Variants in CTNNA2 observed in about 807,000 individuals in gnomAD.
CTNNA2 encodes catenin alpha-2.
CTNNA2 carries 42 observed loss-of-function variants against 101.0 expected under a neutral mutation model. The observed-to-expected ratio is 0.42, with a 90% CI of 0.32 to 0.54. The LOEUF (loss-of-function observed/expected upper bound fraction) is 0.54, where lower values mean the gene tolerates loss of function less well. Ranked by LOEUF, CTNNA2 falls within the 20% of genes least tolerant of loss-of-function variation. CTNNA2 has a pLI of 0.14. For missense variants in CTNNA2, 871 were observed against 1,223.1 expected, an observed-to-expected ratio of 0.71 and a Z score of 4.29; for synonymous variants, 450 against 456.4, an observed-to-expected ratio of 0.99 and a Z score of 0.18.
chr2:80,434,780 C>T (rs565736755), intron 9 of CTNNA2, among the ~76,000 whole-genome samples: 1 of 152,068 alleles, frequency 6.6e-6, no homozygotes, highest in Non-Finnish European at 1.5e-5. Flanking sequence ...GATCACTAGG[C>T]AGAGAATTGG....
intron 2 of CTNNA2, among the ~76,000 whole-genome samples, chr2:79,265,929 T>C (rs1674981245): frequency 6.6e-6 from 1 of 152,172 alleles, no homozygotes; most frequent in Non-Finnish European, 1.5e-5. Flanking sequence ...GAATATTGTT[T>C]AGCAGATTAC....
intron 7 of CTNNA2, among the ~76,000 whole-genome samples, chr2:80,063,405 A>G (rs1441186448): frequency 6.6e-6 from 1 of 152,234 alleles, no homozygotes. Flanking sequence ...TTGAAATGCA[A>G]TAGATTCTCA....
intron 4 of CTNNA2, among the ~76,000 whole-genome samples, chr2:79,462,939 C>T (rs1383689664): frequency 1.3e-5 from 2 of 152,148 alleles, no homozygotes; most frequent in Non-Finnish European, 2.9e-5. Context: ...CCAGTCTCCC[C>T]AGTTAGGAAG....
intron 1 of CTNNA2, among the ~76,000 whole-genome samples, chr2:79,630,146 A>G (rs1679591349): frequency 6.6e-6 from 1 of 152,280 alleles, no homozygotes; most frequent in Admixed American, 6.5e-5. Flanking sequence ...CTGCCGTACC[A>G]CAATATAGAC....
At chr2:79,874,967 A>G (rs547911154) in intron 6 of CTNNA2, among the ~76,000 whole-genome samples, 3 of 152,306 alleles carry the variant, frequency 2.0e-5, no homozygotes, top group African/African-American at 4.8e-5. Flanking sequence ...CGTTGCCTCT[A>G]TGTTGTGCCT....
At chr2:80,195,446 A>C (rs1046874504) in intron 7 of CTNNA2, among the ~76,000 whole-genome samples, 2 of 152,170 alleles carry the variant, frequency 1.3e-5, no homozygotes, top group Non-Finnish European at 2.9e-5. Flanking sequence ...AAACAATTCC[A>C]TGTGAGCAAG....
chr2:79,656,056 T>C (rs943244489), intron 2 of CTNNA2, among the ~76,000 whole-genome samples: 2 of 152,156 alleles, frequency 1.3e-5, no homozygotes, highest in Admixed American at 1.3e-4. Flanking sequence ...GTCCCCTATC[T>C]ATATGCCTTA....
chr2:80,029,775 A>G (rs1460833182), intron 7 of CTNNA2, among the ~76,000 whole-genome samples: 3 of 151,798 alleles, frequency 2.0e-5, no homozygotes, highest in Non-Finnish European at 4.4e-5. Flanking sequence ...ATCATCATCT[A>G]TCTCTGCTGT....
chr2:79,893,300 C>G (rs146846294), intron 6 of CTNNA2, among the ~76,000 whole-genome samples: 2,150 of 152,228 alleles, frequency 0.014, 140 homozygotes, highest in Admixed American at 0.098. Flanking sequence ...TCTGCTTACA[C>G]AAGAATCTCT....
intron 3 of CTNNA2, among the ~76,000 whole-genome samples, chr2:79,841,326 T>C (rs543275337): frequency 6.6e-6 from 1 of 152,344 alleles, no homozygotes; most frequent in East Asian, 1.9e-4. Context: ...GTCCTGCTAA[T>C]AACTTTTGTT....
chr2:79,745,193 G>A lies in CTNNA2; in HGVS notation c.298+611G>A, dbSNP rs540191945. ...CACCTGTATTCCTAGCACTTTGAGA[G>A]GCCAAGGCGGGTGGATTGCCTGAGC... is the stretch of plus-strand genomic sequence containing the variant. On this transcript the variant is annotated intron_variant, in intron 3 of 18. Coordinates refer to ENST00000402739, the MANE Select transcript of CTNNA2 (RefSeq NM_001282597.3). Among the ~76,000 whole-genome samples the A allele has an allele frequency of 2.6e-4, 39 of 152,212 alleles. No homozygotes were observed. The East Asian group carries it at 4.3e-3, about 17-fold the overall frequency.
chr2:80,457,691 T>C (rs1157170075), intron 9 of CTNNA2, among the ~76,000 whole-genome samples: 3 of 152,186 alleles, frequency 2.0e-5, no homozygotes, highest in African/African-American at 4.8e-5. Context: ...TATTGAGGGA[T>C]GGGTTCACAT....
intron 9 of CTNNA2, among the ~76,000 whole-genome samples, chr2:80,438,269 C>A (rs1682222918): frequency 6.6e-6 from 1 of 152,100 alleles, no homozygotes; most frequent in African/African-American, 2.4e-5. Flanking sequence ...GATTAGGGCC[C>A]ATCCTCATAG....
intron 7 of CTNNA2, among the ~76,000 whole-genome samples, chr2:80,199,182 G>GAAAAAAAAA (rs70940076): frequency 2.5e-5 from 1 of 40,058 alleles, no homozygotes; most frequent in African/African-American, 8.5e-5. Flanking sequence ...CTCCATCTCA[G>GAAAAAAAAA]AAAAAAAAAA....
intron 9 of CTNNA2, among the ~76,000 whole-genome samples, chr2:80,434,493 T>C (rs1681846017): frequency 6.9e-6 from 1 of 145,180 alleles, no homozygotes; most frequent in Non-Finnish European, 1.5e-5. Flanking sequence ...CTCTTTTTTT[T>C]TTTTTTTTTT....
intron 9 of CTNNA2, among the ~76,000 whole-genome samples, chr2:80,540,971 G>T (rs554324608): frequency 6.6e-6 from 1 of 152,332 alleles, no homozygotes; most frequent in East Asian, 1.9e-4. Context: ...TTATAGGCGT[G>T]AGCCACTGCA....
chr2:79,822,118 A>G (rs1269358206), intron 3 of CTNNA2, among the ~76,000 whole-genome samples: 1 of 152,188 alleles, frequency 6.6e-6, no homozygotes, highest in Non-Finnish European at 1.5e-5. Context: ...TTTATTTCAG[A>G]AAGTTGTACT....
intron 3 of CTNNA2, among the ~76,000 whole-genome samples, chr2:79,837,655 T>TC (rs991586337): frequency 7.2e-4 from 110 of 152,244 alleles, no homozygotes; most frequent in African/African-American, 2.6e-3. Flanking sequence ...AACTTTTTTT[T>TC]CTCTTCTCCT....
chr2:79,655,374 A>C (rs1333293827), intron 2 of CTNNA2, among the ~76,000 whole-genome samples: 1 of 152,234 alleles, frequency 6.6e-6, no homozygotes, highest in Non-Finnish European at 1.5e-5. Context: ...CATGCTAGTC[A>C]TAAACCAATA....
Sources: allele counts gnomAD v4.1 joint callset (sites outside exome capture counted in the v4.1 genomes callset), GRCh38; gene constraint gnomAD v4.1.1; transcripts MANE v1.5; gene names NCBI Gene and HGNC (gene_info 2026-07-23, HGNC 2026-07-21).